RNF220: variants seen among roughly 807,000 people sequenced by gnomAD.
The protein encoded by RNF220 is ring finger protein 220, also known as E3 ubiquitin-protein ligase RNF220.
A neutral mutation model predicts 67.1 loss-of-function variants in RNF220; 7 were observed. The observed-to-expected ratio is 0.10, with a 90% CI of 0.06 to 0.20. RNF220 has a LOEUF of 0.20. Among genes scored for constraint, RNF220 ranks in the 10% least tolerant of loss-of-function variants. The probability of loss-of-function intolerance (pLI) is 1.00; values close to 1 mark genes in which losing one functional copy is unlikely to be tolerated. For missense variants in RNF220, 565 were observed against 740.3 expected, an observed-to-expected ratio of 0.76 and a Z score of 2.75; for synonymous variants, 270 against 283.2, an observed-to-expected ratio of 0.95 and a Z score of 0.47.
intron 2 of RNF220, among the ~76,000 whole-genome samples, chr1:44,521,166 G>C (rs1659910230): frequency 6.6e-6 from 1 of 152,186 alleles, no homozygotes; most frequent in Admixed American, 6.5e-5. Context: ...CAAAGTGCTG[G>C]GATGACAGGC....
At chr1:44,414,543 C>T (rs1648327943) in intron 2 of RNF220, among the ~76,000 whole-genome samples, 1 of 152,178 alleles carries the variant, frequency 6.6e-6, no homozygotes, top group Admixed American at 6.5e-5. Context: ...ACGTGGATAT[C>T]CATTCCCCTC....
intron 3 of RNF220, among the ~76,000 whole-genome samples, chr1:44,616,604 C>T (rs1173247804): frequency 6.6e-6 from 1 of 152,108 alleles, no homozygotes; most frequent in African/African-American, 2.4e-5. Context: ...ACCCCCCGCC[C>T]ACACACACCT....
At chr1:44,479,560 A>G (rs1655612679) in intron 2 of RNF220, among the ~76,000 whole-genome samples, 1 of 152,100 alleles carries the variant, frequency 6.6e-6, no homozygotes, top group Non-Finnish European at 1.5e-5. Context: ...AGTTTTCTAC[A>G]AGCTTCATTT....
At chr1:44,439,482 G>T (rs1479502592) in intron 2 of RNF220, among the ~76,000 whole-genome samples, 1 of 151,312 alleles carries the variant, frequency 6.6e-6, no homozygotes, top group Non-Finnish European at 1.5e-5. Flanking sequence ...TTTATCATTT[G>T]TCTTGGTACT....
At chr1:44,541,423 G>A (rs565449200) in intron 2 of RNF220, among the ~76,000 whole-genome samples, 11 of 152,254 alleles carry the variant, frequency 7.2e-5, no homozygotes, top group East Asian at 1.9e-4. Flanking sequence ...GTGAGACTCC[G>A]TCTCAACAAC....
intron 2 of RNF220, among the ~76,000 whole-genome samples, chr1:44,564,507 C>G (rs1247248579): frequency 6.6e-6 from 1 of 152,128 alleles, no homozygotes; most frequent in Non-Finnish European, 1.5e-5. Context: ...GTAATCAGCA[C>G]TTTGGGAAGC....
chr1:44,429,525 G>T (rs1396896906), intron 2 of RNF220, among the ~76,000 whole-genome samples: 8 of 152,226 alleles, frequency 5.3e-5, no homozygotes, highest in Non-Finnish European at 2.9e-5. Flanking sequence ...TATTAGAGAA[G>T]TGAGAAGGGG....
chr1:44,617,349 C>G (rs1210248175), intron 3 of RNF220, among the ~76,000 whole-genome samples: 1 of 152,222 alleles, frequency 6.6e-6, no homozygotes, highest in Non-Finnish European at 1.5e-5. Flanking sequence ...CCTCGCTTCT[C>G]TCGCCCTCCC....
At chr1:44,521,606 A>G (rs1659947716) in intron 2 of RNF220, among the ~76,000 whole-genome samples, 2 of 152,104 alleles carry the variant, frequency 1.3e-5, no homozygotes, top group African/African-American at 4.8e-5. Context: ...TAGCGTTTTC[A>G]GCATTGTTAT....
At chr1:44,440,846 T>C (rs559235091) in intron 2 of RNF220, among the ~76,000 whole-genome samples, 3 of 152,318 alleles carry the variant, frequency 2.0e-5, no homozygotes, top group Admixed American at 1.3e-4. Flanking sequence ...CAGAGCTTTC[T>C]TTGGAGCTGT....
intron 2 of RNF220, among the ~76,000 whole-genome samples, chr1:44,539,089 T>TAAAAATACAAAAATTACA (rs1661471694): frequency 1.3e-5 from 2 of 151,126 alleles, no homozygotes; most frequent in Admixed American, 1.3e-4. Context: ...GGCATGGTTG[T>TAAAAATACAAAAATTACA]GGGCACCTGT....
At chr1:44,431,050 G>C (rs1650314343) in intron 2 of RNF220, among the ~76,000 whole-genome samples, 1 of 152,204 alleles carries the variant, frequency 6.6e-6, no homozygotes, top group South Asian at 2.1e-4. Flanking sequence ...TGTCTGATTT[G>C]TGTGTGTGCG....
chr1:44,453,000 G>A (rs1652841667), intron 2 of RNF220, among the ~76,000 whole-genome samples: 1 of 152,090 alleles, frequency 6.6e-6, no homozygotes, highest in African/African-American at 2.4e-5. Flanking sequence ...TTCTTTTAAT[G>A]TCTTTCAATA....
At chr1:44,416,565 G>A (rs1648557857) in intron 2 of RNF220, among the ~76,000 whole-genome samples, 1 of 152,212 alleles carries the variant, frequency 6.6e-6, no homozygotes, top group Non-Finnish European at 1.5e-5. Flanking sequence ...TGGCCAGCCT[G>A]CCAGCCTATC....
chr1:44,599,309 G>C (rs974487852), intron 2 of RNF220, among the ~76,000 whole-genome samples: 4 of 152,202 alleles, frequency 2.6e-5, no homozygotes, highest in Admixed American at 6.5e-5. Context: ...GTGGAACATA[G>C]CATGAAAAAG....
intron 2 of RNF220, among the ~76,000 whole-genome samples, chr1:44,609,820 C>T (rs989230262): frequency 1.3e-5 from 2 of 152,220 alleles, no homozygotes; most frequent in Admixed American, 6.5e-5. Context: ...CACTGTTGTC[C>T]AGCAGGAAAG....
rs114359636 is a variant in RNF220 at position 44,464,239 on chromosome 1, G to A, written c.625+51517G>A. ...TTGTATAGATCACCTGAGATTCAGC[G>A]AGTCTAGGCTGAGGTCAGATGGGCC... On this transcript the variant is annotated intron_variant, in intron 2 of 14. Transcript: ENST00000361799. Among the ~76,000 whole-genome samples the A allele has an allele frequency of 2.4e-3, 359 of 152,258 alleles. 2 individuals carry two copies. The highest frequency in any genetic ancestry group is 8.3e-3 in the African/African-American group (344 of 41,556).
chr1:44,613,802 A>T (rs927304338), intron 2 of RNF220, among the ~76,000 whole-genome samples: 3 of 152,162 alleles, frequency 2.0e-5, no homozygotes, highest in African/African-American at 7.2e-5. Flanking sequence ...ACTTGAACCC[A>T]GGAGGCAGAG....
chr1:44,616,393 T>C (rs1241567250), intron 3 of RNF220, among the ~76,000 whole-genome samples: 4 of 152,200 alleles, frequency 2.6e-5, no homozygotes, highest in Non-Finnish European at 5.9e-5. Flanking sequence ...GTACTTTACA[T>C]TGCATTAATT....
Sources: allele counts gnomAD v4.1 joint callset (sites outside exome capture counted in the v4.1 genomes callset), GRCh38; gene constraint gnomAD v4.1.1; transcripts MANE v1.5; gene names NCBI Gene and HGNC (gene_info 2026-07-23, HGNC 2026-07-21).